The following PRR16 variants were observed in gnomAD, a reference collection of about 807,000 sequenced individuals.
The protein encoded by PRR16 is proline rich 16, also known as protein Largen.
Under a neutral mutation model 18.2 loss-of-function variants are expected in PRR16, and 6 were observed. The ratio of observed to expected loss-of-function variants is 0.33; its 90% CI spans 0.18 to 0.65. The LOEUF (loss-of-function observed/expected upper bound fraction) is 0.65, where lower values mean the gene tolerates loss of function less well. Ranked by LOEUF, PRR16 falls within the 30% of genes least tolerant of loss-of-function variation. PRR16 has a pLI of 0.74. For missense variants in PRR16, 412 were observed against 376.6 expected, an observed-to-expected ratio of 1.09 and a Z score of -0.78; for synonymous variants, 151 against 147.8, an observed-to-expected ratio of 1.02 and a Z score of -0.16.
chr5:120,650,373 A>C (rs933758590), intron 1 of PRR16, among the ~76,000 whole-genome samples: 12 of 151,674 alleles, frequency 7.9e-5, no homozygotes, highest in African/African-American at 2.9e-4. Flanking sequence ...ACATGTGCAC[A>C]ACATGCAGGT....
intron 1 of PRR16, among the ~76,000 whole-genome samples, chr5:120,492,096 T>A (rs1750073516): frequency 6.7e-6 from 1 of 148,650 alleles, no homozygotes. Flanking sequence ...GTTTTCTTTT[T>A]TTTTTTTTTG....
chr5:120,507,238 A>G (rs1750675985), intron 1 of PRR16, among the ~76,000 whole-genome samples: 3 of 152,150 alleles, frequency 2.0e-5, no homozygotes. Flanking sequence ...CATCTACAAT[A>G]TTTAAAGATT....
intron 1 of PRR16, among the ~76,000 whole-genome samples, chr5:120,633,620 G>C (rs555599815): frequency 6.6e-6 from 1 of 151,940 alleles, no homozygotes; most frequent in Non-Finnish European, 1.5e-5. Context: ...AGTTAGATAA[G>C]ACAAAGAGGG....
At chr5:120,661,940 G>A (rs528528848) in intron 1 of PRR16, among the ~76,000 whole-genome samples, 7 of 152,068 alleles carry the variant, frequency 4.6e-5, no homozygotes, top group African/African-American at 1.7e-4. Flanking sequence ...ACTATTTGCA[G>A]GGACTATGGA....
the PRR16 span, among the ~76,000 whole-genome samples, chr5:120,742,812 G>C: frequency 6.6e-5 from 10 of 152,150 alleles, no homozygotes. Context: ...TGTCAGCAGG[G>C]CTGGCTCCCT....
At chr5:120,722,894 AT>A in the PRR16 span, among the ~76,000 whole-genome samples, 1 of 151,400 alleles carries the variant, frequency 6.6e-6, no homozygotes, top group Non-Finnish European at 1.5e-5. Context: ...CATATATATA[AT>A]ATATATATTC....
the PRR16 span, among the ~76,000 whole-genome samples, chr5:120,694,908 C>A: frequency 6.6e-6 from 1 of 152,086 alleles, no homozygotes; most frequent in Non-Finnish European, 1.5e-5. Context: ...AAAAAAATAT[C>A]TAGGTTTGTG....
At chr5:120,682,703 T>C (rs1159992167) in intron 1 of PRR16, among the ~76,000 whole-genome samples, 1 of 152,206 alleles carries the variant, frequency 6.6e-6, no homozygotes, top group Non-Finnish European at 1.5e-5. Flanking sequence ...CCTTTCACTT[T>C]AGTTTCTAGA....
chr5:120,651,182 T>A lies in PRR16; in HGVS notation c.160-34772T>A, dbSNP rs1395314574. Among the ~76,000 whole-genome samples the A allele has an allele frequency of 3.9e-5, 6 of 152,108 alleles. No individual in the cohort carries two copies. The South Asian group carries it at 1.2e-3, about 32-fold the overall frequency. On this transcript the variant is annotated intron_variant, in intron 1 of 1. Transcript: ENST00000407149. ...CCACTTTTTGATGGGGTTGTTTGGT[T>A]TTTTCTTGTCAATTTGTTTGAGTTC...
chr5:120,749,432 T>C, the PRR16 span, among the ~76,000 whole-genome samples: 1 of 152,176 alleles, frequency 6.6e-6, no homozygotes, highest in Non-Finnish European at 1.5e-5. Context: ...AGCTTGAGTA[T>C]GTTTATAGAA....
At chr5:120,549,713 T>C (rs758325349) in intron 1 of PRR16, among the ~76,000 whole-genome samples, 24 of 152,058 alleles carry the variant, frequency 1.6e-4, no homozygotes, top group Non-Finnish European at 2.5e-4. Context: ...CGTAAGCTTA[T>C]TATATTTTAT....
At chr5:120,676,533 T>C (rs1189397670) in intron 1 of PRR16, among the ~76,000 whole-genome samples, 4 of 151,582 alleles carry the variant, frequency 2.6e-5, no homozygotes, top group Admixed American at 2.0e-4. Context: ...TGTGTGTGTG[T>C]GTGTGTGTGT....
At chr5:120,738,622 AT>A in the PRR16 span, among the ~76,000 whole-genome samples, 2 of 152,136 alleles carry the variant, frequency 1.3e-5, no homozygotes, top group Admixed American at 1.3e-4. Flanking sequence ...AAACCAAACC[AT>A]TTTAAAAGTT....
At chr5:120,561,894 G>A (rs116220417) in intron 1 of PRR16, among the ~76,000 whole-genome samples, 2,396 of 152,264 alleles carry the variant, frequency 0.016, 78 homozygotes, top group African/African-American at 0.054. Flanking sequence ...CCCTAGCCAA[G>A]TGGAACTGTA....
intron 1 of PRR16, among the ~76,000 whole-genome samples, chr5:120,623,774 C>T (rs1295550544): frequency 2.0e-5 from 3 of 151,908 alleles, no homozygotes; most frequent in Non-Finnish European, 4.4e-5. Context: ...GGTGTTACAC[C>T]GAGGAAAAGC....
the PRR16 span, among the ~76,000 whole-genome samples, chr5:120,703,547 G>C: frequency 1.3e-5 from 2 of 152,206 alleles, no homozygotes; most frequent in Non-Finnish European, 2.9e-5. Context: ...TAAAGATACA[G>C]CTGCCATCCC....
chr5:120,668,215 T>C (rs967345544), intron 1 of PRR16, among the ~76,000 whole-genome samples: 1 of 151,186 alleles, frequency 6.6e-6, no homozygotes, highest in Non-Finnish European at 1.5e-5. Flanking sequence ...GTAATGGCCT[T>C]CTTTGTCTCT....
chr5:120,541,138 G>A (rs1446389318), intron 1 of PRR16, among the ~76,000 whole-genome samples: 1 of 151,954 alleles, frequency 6.6e-6, no homozygotes, highest in Non-Finnish European at 1.5e-5. Context: ...CGTTGTTGTT[G>A]TTTATTTTTG....
At chr5:120,512,535 G>C (rs556719694) in intron 1 of PRR16, among the ~76,000 whole-genome samples, 1 of 152,160 alleles carries the variant, frequency 6.6e-6, no homozygotes, top group South Asian at 2.1e-4. Flanking sequence ...TGGCGGCATA[G>C]AAAAAAGAAT....
Sources: allele counts gnomAD v4.1 joint callset (sites outside exome capture counted in the v4.1 genomes callset), GRCh38; gene constraint gnomAD v4.1.1; transcripts MANE v1.5; gene names NCBI Gene and HGNC (gene_info 2026-07-23, HGNC 2026-07-21).